PLCL2: variants seen among roughly 807,000 people sequenced by gnomAD.
The protein encoded by PLCL2 is inactive phospholipase C-like protein 2.
Under a neutral mutation model 79.6 loss-of-function variants are expected in PLCL2, and 4 were observed. That is an observed-to-expected ratio of 0.05 (90% CI 0.02 to 0.11). PLCL2 has a LOEUF of 0.11. PLCL2 is among the 10% of genes least tolerant of loss of function. The pLI, the probability that PLCL2 is intolerant of heterozygous loss-of-function variation, is 1.00. For synonymous variants in PLCL2, 484 were observed against 457.7 expected (o/e 1.06, Z -0.73); for missense variants, 895 against 1,291.0 (o/e 0.69, Z 4.70).
At chr3:17,017,327 A>G (rs2064395882) in intron 3 of PLCL2, among the ~76,000 whole-genome samples, 1 of 152,212 alleles carries the variant, frequency 6.6e-6, no homozygotes, top group South Asian at 2.1e-4. Context: ...TGCCTAATTT[A>G]TCGATATGTT....
At chr3:17,085,725 A>G (rs756223133) in intron 5 of PLCL2, among the ~76,000 whole-genome samples, 1 of 152,190 alleles carries the variant, frequency 6.6e-6, no homozygotes, top group Non-Finnish European at 1.5e-5. Flanking sequence ...CTGGGATTAC[A>G]GGCGTGAGCC....
At chr3:16,908,555 C>T (rs1248230370) in intron 1 of PLCL2, among the ~76,000 whole-genome samples, 1 of 152,162 alleles carries the variant, frequency 6.6e-6, no homozygotes, top group East Asian at 1.9e-4. Context: ...GTAGCTAACA[C>T]TAAGGGCAGT....
chr3:16,908,757 C>G lies in PLCL2; in HGVS notation c.327+23391C>G, dbSNP rs186085664. Among the ~76,000 whole-genome samples, 44 of 152,158 alleles carry G rather than the reference C, an allele frequency of 2.9e-4. No homozygotes were observed. The East Asian group carries it at 7.7e-3, about 27-fold the overall frequency. On this transcript the variant is annotated intron_variant, in intron 1 of 5. Transcript: ENST00000615277. ...GGTGTTGGGGATTGAGGCTGTGTTCCAGGTGGTTTATTATACATTTTTGGT... is the reference window on the plus strand; with the variant it reads ...GGTGTTGGGGATTGAGGCTGTGTTCGAGGTGGTTTATTATACATTTTTGGT...
At chr3:17,061,801 C>T (rs1188898692) in intron 4 of PLCL2, among the ~76,000 whole-genome samples, 1 of 152,152 alleles carries the variant, frequency 6.6e-6, no homozygotes, top group East Asian at 1.9e-4. Context: ...GGGCAGTCCT[C>T]ACCATGAACT....
intron 3 of PLCL2, among the ~76,000 whole-genome samples, chr3:17,027,157 G>A (rs924926967): frequency 6.6e-6 from 1 of 151,994 alleles, no homozygotes; most frequent in Admixed American, 6.6e-5. Flanking sequence ...AGTGCATGTC[G>A]CATATCAAAC....
At chr3:16,938,706 G>T (rs992587839) in intron 1 of PLCL2, among the ~76,000 whole-genome samples, 17 of 152,168 alleles carry the variant, frequency 1.1e-4, no homozygotes, top group African/African-American at 4.1e-4. Flanking sequence ...TCTTGGAAAT[G>T]CAGGGAGCAC....
At chr3:16,892,995 A>T (rs1454391995) in intron 1 of PLCL2, among the ~76,000 whole-genome samples, 2 of 152,148 alleles carry the variant, frequency 1.3e-5, no homozygotes, top group Non-Finnish European at 2.9e-5. Flanking sequence ...AGCCATTCTG[A>T]CTTCTTGATC....
At chr3:16,990,540 A>G (rs1559510151) in intron 1 of PLCL2, among the ~76,000 whole-genome samples, 3 of 152,234 alleles carry the variant, frequency 2.0e-5, no homozygotes, top group Non-Finnish European at 4.4e-5. Context: ...CCAAGAGATT[A>G]ACTTGGAAGT....
intron 1 of PLCL2, among the ~76,000 whole-genome samples, chr3:16,929,730 C>T (rs994680159): frequency 6.6e-6 from 1 of 152,184 alleles, no homozygotes; most frequent in Non-Finnish European, 1.5e-5. Context: ...AAGTTGAGTC[C>T]TTCTGAAACT....
intron 1 of PLCL2, among the ~76,000 whole-genome samples, chr3:16,998,305 T>C (rs1052739745): frequency 1.3e-5 from 2 of 152,234 alleles, no homozygotes; most frequent in East Asian, 3.8e-4. Flanking sequence ...ATTTTTCGCA[T>C]TATGTGATTC....
At chr3:16,996,112 A>G (rs185229223) in intron 1 of PLCL2, among the ~76,000 whole-genome samples, 7 of 152,296 alleles carry the variant, frequency 4.6e-5, no homozygotes, top group Admixed American at 3.3e-4. Context: ...GGAAGCTGCA[A>G]TCTAACCTGG....
intron 1 of PLCL2, among the ~76,000 whole-genome samples, chr3:16,980,245 G>A (rs1318866237): frequency 2.4e-5 from 3 of 125,588 alleles, no homozygotes; most frequent in African/African-American, 6.1e-5. Context: ...CTCACCTGCC[G>A]GATGGGGCGG....
intron 4 of PLCL2, among the ~76,000 whole-genome samples, chr3:17,057,114 A>AT (rs143628434): frequency 0.028 from 4,246 of 152,134 alleles, 98 homozygotes; most frequent in Non-Finnish European, 0.042. Context: ...TTTGGGATTG[A>AT]TTTTTTTTAA....
intron 4 of PLCL2, among the ~76,000 whole-genome samples, chr3:17,065,248 C>T (rs2064997867): frequency 6.6e-6 from 1 of 152,112 alleles, no homozygotes; most frequent in African/African-American, 2.4e-5. Context: ...TTTTAGATAG[C>T]AGCCATGTAT....
chr3:17,035,166 C>T (rs547253015), intron 3 of PLCL2, among the ~76,000 whole-genome samples: 11 of 152,250 alleles, frequency 7.2e-5, no homozygotes, highest in African/African-American at 1.9e-4. Context: ...ACATAATTTC[C>T]GGTTGTACTC....
In PLCL2 at chr3:17,009,921, A is replaced by G. The variant is rs1312545112; in HGVS notation, c.575A>G (p.Lys192Arg). The G allele has an allele frequency of 6.2e-7, 1 of 1,613,996 alleles. No homozygotes were observed. Among genetic ancestry groups the G allele is most frequent in the Non-Finnish European group, 8.5e-7 (1 of 1,179,838 alleles). ...GCCAAGATTGACATTAAATCCATCA[A>G]GGAAGTGAGAACAGGAAAAAACACA... The part of the protein sequence containing the change: ...EKAKIDIKSI[K>R]EVRTGKNTDI... The change falls in exon 2 of 6, where the codon AAG (lysine) becomes AGG (arginine). Residue 192 changes from lysine to arginine, a missense_variant. By Grantham distance (26) the Lys-to-Arg change is conservative. Around this residue, in one of 6 missense-constraint regions of PLCL2, gnomAD observed 129 missense variants for 208.8 expected, o/e 0.62. Coordinates refer to ENST00000615277, the MANE Select transcript of PLCL2 (RefSeq NM_001144382.2). This position sits in a 1 kb window ranked among gnomAD's most constrained non-coding sequence, Gnocchi z 4.0.
At chr3:16,911,114 G>A (rs980534252) in intron 1 of PLCL2, among the ~76,000 whole-genome samples, 2 of 152,038 alleles carry the variant, frequency 1.3e-5, no homozygotes, top group Admixed American at 6.5e-5. Flanking sequence ...TTAGCTGGGC[G>A]TGGTGGCATG....
At chr3:16,935,729 A>C (rs1697523030) in intron 1 of PLCL2, among the ~76,000 whole-genome samples, 1 of 152,232 alleles carries the variant, frequency 6.6e-6, no homozygotes, top group South Asian at 2.1e-4. Flanking sequence ...GATAGATTAT[A>C]GAGAGATAAG....
At chr3:17,076,851 T>G (rs181924236) in intron 5 of PLCL2, among the ~76,000 whole-genome samples, 1 of 152,194 alleles carries the variant, frequency 6.6e-6, no homozygotes, top group East Asian at 1.9e-4. Flanking sequence ...TTGAGCAATA[T>G]TGCTATATTT....
Sources: gnomAD v4.1 joint callset for allele counts (sites outside exome capture counted in the v4.1 genomes callset) on GRCh38, gnomAD v4.1.1 for gene constraint, gnomAD v4.1.1 regional missense constraint, Gnocchi (gnomAD v3.1) non-coding constraint, MANE v1.5 for transcripts, NCBI Gene and HGNC (gene_info 2026-07-23, HGNC 2026-07-21) for gene names.